RPRD1A: variants seen among roughly 807,000 people sequenced by gnomAD.
RPRD1A encodes regulation of nuclear pre-mRNA domain-containing protein 1A.
Under a neutral mutation model 37.8 loss-of-function variants are expected in RPRD1A, and 9 were observed. That is an observed-to-expected ratio of 0.24 (90% CI 0.14 to 0.42). The LOEUF is 0.42. RPRD1A is among the 10% of genes least tolerant of loss of function. The pLI is 1.00. For synonymous variants in RPRD1A, 138 were observed against 139.7 expected (o/e 0.99, Z 0.08); for missense variants, 255 against 371.0 (o/e 0.69, Z 2.57).
chr18:36,001,464 T>C (rs1909412115), intron 6 of RPRD1A, among the ~76,000 whole-genome samples: 1 of 152,214 alleles, frequency 6.6e-6, no homozygotes, highest in African/African-American at 2.4e-5. Context: ...TTAGTACATA[T>C]ATTATCCAGT....
At chr18:36,040,224 C>A (rs910450879) in intron 1 of RPRD1A, among the ~76,000 whole-genome samples, 10 of 152,238 alleles carry the variant, frequency 6.6e-5, no homozygotes, top group African/African-American at 2.4e-4. Context: ...TGATTAAGAT[C>A]TCATGCCACT....
intron 6 of RPRD1A, among the ~76,000 whole-genome samples, chr18:36,002,211 T>C (rs1909465591): frequency 6.6e-6 from 1 of 152,224 alleles, no homozygotes; most frequent in African/African-American, 2.4e-5. Context: ...GGCTTCATTC[T>C]CTTGCTTTCC....
chr18:36,049,128 C>T (rs1913184017), intron 1 of RPRD1A, among the ~76,000 whole-genome samples: 3 of 152,172 alleles, frequency 2.0e-5, no homozygotes, highest in African/African-American at 7.2e-5. Flanking sequence ...TCTCAAACTC[C>T]TGACCTCAGG....
intron 6 of RPRD1A, among the ~76,000 whole-genome samples, chr18:36,009,801 G>A (rs1910056624): frequency 6.6e-6 from 1 of 152,200 alleles, no homozygotes. Flanking sequence ...CTGCTACTGA[G>A]AAACTGGATT....
intron 1 of RPRD1A, among the ~76,000 whole-genome samples, chr18:36,064,834 GCCGCCTTTATGAGCTGTAACACTCAC>G (rs1270038585): frequency 9.9e-5 from 15 of 152,152 alleles, no homozygotes; most frequent in Non-Finnish European, 1.2e-4. Context: ...TTGGGTCCCT[GCCGCCTTTATGAGCTGTAACACTCAC>G]CGCGAAGGTC....
chr18:36,020,242 G>A (rs544776171), intron 6 of RPRD1A, among the ~76,000 whole-genome samples: 67 of 152,226 alleles, frequency 4.4e-4, no homozygotes, highest in Non-Finnish European at 8.2e-4. Flanking sequence ...AACTCTACAC[G>A]AATCTGGTAA....
At chr18:36,015,020 T>C (rs144891515) in intron 6 of RPRD1A, among the ~76,000 whole-genome samples, 1 of 152,068 alleles carries the variant, frequency 6.6e-6, no homozygotes, top group East Asian at 1.9e-4. Context: ...TGTAGCACTA[T>C]GGAAACCAGT....
intron 2 of RPRD1A, among the ~76,000 whole-genome samples, chr18:36,032,125 C>T (rs555349287): frequency 1.3e-4 from 20 of 152,164 alleles, no homozygotes; most frequent in Non-Finnish European, 2.4e-4. Flanking sequence ...CATAACTGAG[C>T]GCCCTCATAC....
chr18:36,023,420 C>T (rs1911143792), intron 6 of RPRD1A, among the ~76,000 whole-genome samples: 1 of 152,192 alleles, frequency 6.6e-6, no homozygotes. Flanking sequence ...CTGCTCCAAT[C>T]TCATAAAACT....
chr18:36,058,053 G>GT (rs1913916314), intron 1 of RPRD1A, among the ~76,000 whole-genome samples: 2 of 152,224 alleles, frequency 1.3e-5, no homozygotes, highest in South Asian at 4.1e-4. Flanking sequence ...GAAACTTCTT[G>GT]TATTTTTTGT....
intron 6 of RPRD1A, among the ~76,000 whole-genome samples, 170 bp from the exon 7 acceptor site, chr18:35,993,470 A>G (rs1207792681): frequency 2.6e-5 from 4 of 152,272 alleles, no homozygotes; most frequent in Non-Finnish European, 4.4e-5. Context: ...ATATATAACT[A>G]GTAAACTATT....
At chr18:36,028,191 AT>A (rs1911513536) in intron 4 of RPRD1A, 1 of 152,124 alleles carries the variant, frequency 6.6e-6, no homozygotes, top group South Asian at 2.1e-4. Context: ...GCTTTAAAAA[AT>A]ATAGGATATT....
chr18:36,015,160 A>G lies in RPRD1A; in HGVS notation c.789+11740T>C, dbSNP rs949083465. 3.5e-5 allele frequency among the ~76,000 whole-genome samples: 3 copies of G among 86,516 alleles called. No individual in the cohort carries two copies. In the East Asian group the frequency reaches 1.5e-3, roughly 44 times the overall value. The allele number at this position is 86,516 out of a possible 152,430, so 56.8% of individuals were successfully genotyped here. On this transcript the variant is annotated intron_variant, in intron 6 of 6. Coordinates refer to ENST00000399022, the MANE Select transcript of RPRD1A (RefSeq NM_018170.5). ...CACACACACACACACACACACACAT[A>G]TATACACATATATACACACACACAC... is the stretch of plus-strand genomic sequence containing the variant.
rs980210387 is a variant in RPRD1A at position 35,999,292 on chromosome 18, G to A, written c.790-5992C>T. On this transcript the variant is annotated intron_variant, in intron 6 of 6. Transcript: ENST00000399022. ...TACTTCCTATGTAAACCTGGACAAGGGCTCCTGAAGGTTATCTAATTAAGT... is the reference window on the plus strand; with the variant it reads ...TACTTCCTATGTAAACCTGGACAAGAGCTCCTGAAGGTTATCTAATTAAGT... Among the ~76,000 whole-genome samples the A allele has an allele frequency of 7.2e-5, 11 of 152,254 alleles. No homozygotes were observed. In the South Asian group the frequency reaches 2.3e-3, roughly 32 times the overall value.
chr18:36,049,793 A>AT (rs1913240902), intron 1 of RPRD1A, among the ~76,000 whole-genome samples: 1 of 152,104 alleles, frequency 6.6e-6, no homozygotes, highest in African/African-American at 2.4e-5. Context: ...GGGTGTGCAT[A>AT]TATCTGTTTG....
intron 1 of RPRD1A, among the ~76,000 whole-genome samples, chr18:36,056,310 G>A (rs574612876): frequency 8.0e-5 from 12 of 150,832 alleles, no homozygotes; most frequent in South Asian, 4.2e-4. Context: ...TTTTTGAGAT[G>A]GGAGTCTTGC....
intron 1 of RPRD1A, among the ~76,000 whole-genome samples, chr18:36,064,697 T>G (rs1044237571): frequency 6.6e-6 from 1 of 152,060 alleles, no homozygotes; most frequent in Non-Finnish European, 1.5e-5. Flanking sequence ...AGGACGTGGC[T>G]GGGGCCAGAT....
At chr18:36,048,257 G>A (rs903618988) in intron 1 of RPRD1A, among the ~76,000 whole-genome samples, 13 of 151,790 alleles carry the variant, frequency 8.6e-5, no homozygotes, top group African/African-American at 2.9e-4. Flanking sequence ...GTAGAGACGG[G>A]GTTTCTCAGT....
At chr18:36,064,895 G>A (rs572308247) in intron 1 of RPRD1A, among the ~76,000 whole-genome samples, 3 of 151,542 alleles carry the variant, frequency 2.0e-5, no homozygotes, top group Admixed American at 1.3e-4. Flanking sequence ...TGAAGCCAGC[G>A]AGACCACGAA....
Sources: gnomAD v4.1 joint callset for allele counts (sites outside exome capture counted in the v4.1 genomes callset) on GRCh38, gnomAD v4.1.1 for gene constraint, MANE v1.5 for transcripts, NCBI Gene and HGNC (gene_info 2026-07-23, HGNC 2026-07-21) for gene names.